Variants in HS3ST3A1 observed in about 807,000 individuals in gnomAD.
HS3ST3A1 encodes heparan sulfate-glucosamine 3-sulfotransferase 3A1.
Under a neutral mutation model 25.7 loss-of-function variants are expected in HS3ST3A1, and 19 were observed. That is an observed-to-expected ratio of 0.74 (90% CI 0.52 to 1.08). The LOEUF (loss-of-function observed/expected upper bound fraction) is 1.08, where lower values mean the gene tolerates loss of function less well. Among genes scored for constraint, HS3ST3A1 ranks in the 50% least tolerant of loss-of-function variants. The pLI, the probability that HS3ST3A1 is intolerant of heterozygous loss-of-function variation, is 0.00. For missense variants in HS3ST3A1, 459 were observed against 594.3 expected (o/e 0.77, Z 2.37); for synonymous variants, 226 against 278.6 (o/e 0.81, Z 1.88).
intron 1 of HS3ST3A1, among the ~76,000 whole-genome samples, chr17:13,557,899 A>G (rs1203024051): frequency 1.3e-5 from 2 of 152,254 alleles, no homozygotes; most frequent in Admixed American, 1.3e-4. Context: ...AGGGACAAGC[A>G]TTTGCTGTGT....
chr17:13,561,670 G>A (rs1395386755), intron 1 of HS3ST3A1, among the ~76,000 whole-genome samples: 1 of 152,120 alleles, frequency 6.6e-6, no homozygotes, highest in African/African-American at 2.4e-5. Flanking sequence ...GGGATTACAG[G>A]GGTGAGCCAC....
At position 13,494,184 on chromosome 17, in the gene HS3ST3A1, A is replaced by T. The variant is rs1390910397; in HGVS notation, c.*2013T>A. 6.6e-6 allele frequency among the ~76,000 whole-genome samples: 1 copy of T among 152,234 alleles called. No homozygotes were observed. The highest frequency in any genetic ancestry group is 1.5e-5 in the Non-Finnish European group (1 of 68,036). On this transcript the variant is annotated 3_prime_UTR_variant, in exon 2 of 2. Transcript: ENST00000284110. The stretch of plus-strand genomic sequence containing the variant: ...TGTACAAACAAAATGAGCTAAGAGA[A>T]ATGATGACAAGAGTTTAAAATGAGT...
At chr17:13,521,106 C>A (rs1906220944) in intron 1 of HS3ST3A1, among the ~76,000 whole-genome samples, 2 of 152,210 alleles carry the variant, frequency 1.3e-5, no homozygotes, top group South Asian at 4.1e-4. Flanking sequence ...GGTGGCAGAA[C>A]TCCCAAACTC....
rs529193278 is a variant in HS3ST3A1, at chr17:13,495,189, G to A, written c.*1008C>T. On this transcript the variant is annotated 3_prime_UTR_variant, in exon 2 of 2. Coordinates refer to ENST00000284110, the MANE Select transcript of HS3ST3A1 (RefSeq NM_006042.3). ...TTAAATCAACAAATGGGTAAGTTACGTTCCTAACACATCTTGTGCTACCCC... is the reference window on the plus strand; with the variant it reads ...TTAAATCAACAAATGGGTAAGTTACATTCCTAACACATCTTGTGCTACCCC... Among the ~76,000 whole-genome samples, 3 of 151,278 alleles carry A rather than the reference G, an allele frequency of 2.0e-5. No homozygotes were observed. The highest frequency in any genetic ancestry group is 2.1e-4 in the South Asian group (1 of 4,794).
At chr17:13,579,962 A>G (rs914367776) in intron 1 of HS3ST3A1, among the ~76,000 whole-genome samples, 1 of 147,142 alleles carries the variant, frequency 6.8e-6, no homozygotes, top group East Asian at 1.9e-4. Flanking sequence ...AAAAAAAAAA[A>G]AAAAGAAAAA....
At chr17:13,560,955 A>G (rs1408939701) in intron 1 of HS3ST3A1, among the ~76,000 whole-genome samples, 1 of 152,198 alleles carries the variant, frequency 6.6e-6, no homozygotes, top group African/African-American at 2.4e-5. Context: ...CATGTAGCCT[A>G]TGGGAGAGGT....
chr17:13,522,853 G>GAGACAC (rs1555538069), intron 1 of HS3ST3A1, among the ~76,000 whole-genome samples: 15,612 of 148,302 alleles, frequency 0.11, 835 homozygotes, highest in African/African-American at 0.12. Context: ...CACACAGAGA[G>GAGACAC]ACACACACAC....
Position 13,495,905 on chromosome 17 carries a change from A to G in HS3ST3A1, c.*292T>C, listed in dbSNP as rs1290179889. ...AGATGTTTAACCTCAAGATTTTCTGAAAACTTTTAATGACAACTGATGCTT... is the reference window on the plus strand; with the variant it reads ...AGATGTTTAACCTCAAGATTTTCTGGAAACTTTTAATGACAACTGATGCTT... On this transcript the variant is annotated 3_prime_UTR_variant, in exon 2 of 2. Coordinates refer to ENST00000284110, the MANE Select transcript of HS3ST3A1 (RefSeq NM_006042.3). 1.2e-5 allele frequency: 3 copies of G among 258,718 alleles called. No individual in the cohort carries two copies. Among genetic ancestry groups the G allele is most frequent in the African/African-American group, 6.6e-5 (3 of 45,120 alleles). The allele number at this position is 258,718 out of a possible 1,614,324, so 16.0% of individuals were successfully genotyped here. A position where few individuals can be genotyped will look rare whatever the true frequency, so the allele number is the denominator to read the frequency against.
At chr17:13,516,202 C>T (rs937260008) in intron 1 of HS3ST3A1, among the ~76,000 whole-genome samples, 6 of 151,966 alleles carry the variant, frequency 3.9e-5, no homozygotes, top group African/African-American at 9.7e-5. Context: ...CCCAGCTACT[C>T]GGAAGGCTGA....
rs61165551 is a variant in HS3ST3A1 at position 13,542,329 on chromosome 17, CAAA to C, written c.600-45514_600-45512del. Among the ~76,000 whole-genome samples, 250 of 116,862 alleles carry C rather than the reference CAAA, an allele frequency of 2.1e-3. 1 individual carries two copies. The highest frequency in any genetic ancestry group is 6.7e-3 in the African/African-American group (220 of 32,988). 76.7% of individuals were successfully genotyped at this position (116,862 alleles called of 152,430 possible). ...GGGCAACAGAGCGAGACTCTGTTTC[CAAA>C]AAAAAAAAAAAAAAATGGTTAAGTG... On this transcript the variant is annotated intron_variant, in intron 1 of 1. Coordinates refer to ENST00000284110, the MANE Select transcript of HS3ST3A1 (RefSeq NM_006042.3).
intron 1 of HS3ST3A1, among the ~76,000 whole-genome samples, chr17:13,502,362 A>T (rs140968386): frequency 2.0e-5 from 3 of 152,196 alleles, no homozygotes; most frequent in Non-Finnish European, 4.4e-5. Flanking sequence ...ATGGTCCAAG[A>T]GGCAAGCCAA....
At chr17:13,574,534 C>T (rs1450362627) in intron 1 of HS3ST3A1, among the ~76,000 whole-genome samples, 2 of 151,510 alleles carry the variant, frequency 1.3e-5, no homozygotes, top group African/African-American at 2.4e-5. Flanking sequence ...CTGGCTAACA[C>T]GGTGAAACCC....
chr17:13,557,343 A>G (rs968002338), intron 1 of HS3ST3A1, among the ~76,000 whole-genome samples: 2 of 152,222 alleles, frequency 1.3e-5, no homozygotes, highest in African/African-American at 2.4e-5. Flanking sequence ...ACATTTAAGC[A>G]TGAGTCAACA....
intron 1 of HS3ST3A1, among the ~76,000 whole-genome samples, chr17:13,523,595 A>T (rs1329048562): frequency 6.6e-6 from 1 of 152,150 alleles, no homozygotes; most frequent in Non-Finnish European, 1.5e-5. Context: ...TGTGCCCTCC[A>T]CACTAAGAGA....
At chr17:13,529,495 G>C (rs1233308537) in intron 1 of HS3ST3A1, among the ~76,000 whole-genome samples, 2 of 152,068 alleles carry the variant, frequency 1.3e-5, no homozygotes. Flanking sequence ...GAAACACAGA[G>C]TCCTGTGGGT....
At chr17:13,519,339 G>T (rs1191831541) in intron 1 of HS3ST3A1, among the ~76,000 whole-genome samples, 12 of 152,152 alleles carry the variant, frequency 7.9e-5, no homozygotes, top group Non-Finnish European at 1.5e-5. Context: ...ACGCTGATAG[G>T]TTGAACATCA....
Position 13,600,854 on chromosome 17 carries a change from T to A in HS3ST3A1, c.276A>T (p.Gln92His). ...PAAAQRKRLL[Q>H]LPQWRRRRPP... ...GCCGGCGCCTCCGCCACTGCGGCAG[T>A]TGCAGGAGGCGCTTTCTCTGTGCCG... The change falls in exon 1 of 2, where the codon CAA becomes CAT. Residue 92 changes from glutamine (Q) to histidine (H), a missense_variant. Gln to His is a conservative substitution (Grantham distance 24). Around this residue, in one of 3 missense-constraint regions of HS3ST3A1, gnomAD observed 346 missense variants for 303.9 expected, o/e 1.14. Transcript: ENST00000284110. 1 of 1,439,480 alleles carries A rather than the reference T, an allele frequency of 6.9e-7. No individual in the cohort carries two copies. Among genetic ancestry groups the A allele is most frequent in the Non-Finnish European group, 9.0e-7 (1 of 1,107,008 alleles). 89.2% of individuals were successfully genotyped at this position (1,439,480 alleles called of 1,614,324 possible).
At chr17:13,543,833 C>T (rs1013000687) in intron 1 of HS3ST3A1, among the ~76,000 whole-genome samples, 6 of 152,000 alleles carry the variant, frequency 3.9e-5, no homozygotes, top group South Asian at 2.1e-4. Context: ...ATCTGGATTC[C>T]GAAGCATCAC....
chr17:13,548,372 C>G (rs1026492628), intron 1 of HS3ST3A1, among the ~76,000 whole-genome samples: 5 of 152,280 alleles, frequency 3.3e-5, no homozygotes, highest in Non-Finnish European at 7.4e-5. Context: ...CATAGCATCT[C>G]TACTCTCATC....
Sources: gnomAD v4.1 joint callset for allele counts (sites outside exome capture counted in the v4.1 genomes callset) on GRCh38, gnomAD v4.1.1 for gene constraint, gnomAD v4.1.1 regional missense constraint, MANE v1.5 for transcripts, NCBI Gene and HGNC (gene_info 2026-07-23, HGNC 2026-07-21) for gene names.